TTBK2: variants seen among roughly 807,000 people sequenced by gnomAD.
TTBK2 encodes the protein tau-tubulin kinase 2.
TTBK2 carries 28 observed loss-of-function variants against 110.8 expected under a neutral mutation model. That is an observed-to-expected ratio of 0.25 (90% confidence interval 0.19 to 0.35). TTBK2 has a LOEUF of 0.35. TTBK2 is among the 10% of genes least tolerant of loss of function. The pLI is 1.00. For synonymous variants in TTBK2, 532 were observed against 527.3 expected, an observed-to-expected ratio of 1.01 and a Z score of -0.12; for missense variants, 1,369 against 1,500.3, an observed-to-expected ratio of 0.91 and a Z score of 1.45.
Position 42,842,057 on chromosome 15 carries a change from A to C in TTBK2, c.218-1624T>G, listed in dbSNP as rs193198033. ...TTAAGCACATAATTTGGAAAATGAA[A>C]CATTAATTATTATTATTATTTTAAA... On this transcript the variant is annotated intron_variant, in intron 3 of 14. Coordinates refer to ENST00000267890, the MANE Select transcript of TTBK2 (RefSeq NM_173500.4). Among the ~76,000 whole-genome samples, 205 of 152,252 alleles carry C rather than the reference A, an allele frequency of 1.3e-3. 1 individual carries two copies. Among genetic ancestry groups the C allele is most frequent in the Middle Eastern group, 6.8e-3 (2 of 294 alleles).
intron 1 of TTBK2, among the ~76,000 whole-genome samples, chr15:42,919,085 T>C (rs2031236653): frequency 6.6e-6 from 1 of 152,190 alleles, no homozygotes; most frequent in African/African-American, 2.4e-5. Context: ...ATGCTTCATA[T>C]GTCCCCTTCG....
In TTBK2 at chr15:42,742,726, C is replaced by G. The variant is rs1484477602; in HGVS notation, c.*3069G>C. On this transcript the variant is annotated 3_prime_UTR_variant, in exon 15 of 15. Transcript: ENST00000267890. Reference sequence around the variant, plus strand: ...CTTGATTTTCAAAAGATAATTTTAACTGCTGCCCTATACTACTTTTAGTAT... The same window carrying G: ...CTTGATTTTCAAAAGATAATTTTAAGTGCTGCCCTATACTACTTTTAGTAT... The G allele has an allele frequency of 6.6e-6, 1 of 152,188 alleles. No individual in the cohort carries two copies. Among genetic ancestry groups the G allele is most frequent in the African/African-American group, 2.4e-5 (1 of 41,450 alleles). The allele number at this position is 152,188 out of a possible 1,614,324, so 9.4% of individuals were successfully genotyped here. A position where few individuals can be genotyped will look rare whatever the true frequency, so the allele number is the denominator to read the frequency against.
chr15:42,761,494 A>G (rs1026751667), intron 13 of TTBK2, among the ~76,000 whole-genome samples: 14 of 152,062 alleles, frequency 9.2e-5, no homozygotes, highest in African/African-American at 3.4e-4. Context: ...TGAAAAGATA[A>G]CCTACAAAAT....
intron 9 of TTBK2, chr15:42,802,004 C>A (rs1262566120): frequency 1.3e-6 from 2 of 1,497,230 alleles, no homozygotes; most frequent in Admixed American, 3.3e-5. Context: ...AACATGTTGT[C>A]CATGTTGCTC....
At chr15:42,797,605 T>C (rs1169433262) in intron 9 of TTBK2, among the ~76,000 whole-genome samples, 1 of 152,166 alleles carries the variant, frequency 6.6e-6, no homozygotes, top group Non-Finnish European at 1.5e-5. Context: ...ATCCTAACCT[T>C]CCTCAGATTG....
chr15:42,757,090 A>G (rs2061957202), intron 13 of TTBK2, among the ~76,000 whole-genome samples: 1 of 151,922 alleles, frequency 6.6e-6, no homozygotes, highest in Non-Finnish European at 1.5e-5. Flanking sequence ...TTAATCAGGT[A>G]CTATTATCAT....
rs1421099006 is a variant in TTBK2 at position 42,743,978 on chromosome 15, C to G, written c.*1817G>C. 6.7e-6 allele frequency: 1 copy of G among 148,334 alleles called. No individual in the cohort carries two copies. The highest frequency in any genetic ancestry group is 2.4e-5 in the African/African-American group (1 of 41,172). 9.2% of individuals were successfully genotyped at this position (148,334 alleles called of 1,614,324 possible). The stretch of plus-strand genomic sequence containing the variant: ...TGACTCTATATAAGGATATGTCTCT[C>G]TATATATTTATAAATATTTATATAA... On this transcript the variant is annotated 3_prime_UTR_variant, in exon 15 of 15. Transcript: ENST00000267890.
chr15:42,908,989 C>T (rs1212757525), intron 1 of TTBK2, among the ~76,000 whole-genome samples: 2 of 152,192 alleles, frequency 1.3e-5, no homozygotes, highest in African/African-American at 2.4e-5. Context: ...AAAAACAACA[C>T]AAATTTATAA....
chr15:42,920,393 A>C (rs1211856191), intron 1 of TTBK2, 45 bp downstream of exon 1: 1 of 152,286 alleles, frequency 6.6e-6, no homozygotes, highest in African/African-American at 2.4e-5. Flanking sequence ...GGGGGTCGAG[A>C]CTGGGGGAGG....
chr15:42,810,743 G>A lies in TTBK2; in HGVS notation c.697-4C>T. On this transcript the variant is annotated splice_polypyrimidine_tract_variant and splice_region_variant and intron_variant, in intron 8 of 14. Transcript: ENST00000267890. ...CCTTAATAGAGCCTACTTGCTCCTG[G>A]GAAGTAAAGAGAAAAAGAGCTACAG... 6.2e-7 allele frequency: 1 copy of A among 1,613,348 alleles called. No homozygotes were observed.
At chr15:42,873,048 C>T (rs1486273339) in intron 2 of TTBK2, among the ~76,000 whole-genome samples, 4 of 152,166 alleles carry the variant, frequency 2.6e-5, no homozygotes, top group African/African-American at 4.8e-5. Context: ...ACCAACAATA[C>T]AGTATTTGAA....
intron 3 of TTBK2, among the ~76,000 whole-genome samples, chr15:42,849,206 A>G (rs1306400426): frequency 6.6e-6 from 1 of 150,868 alleles, no homozygotes; most frequent in Non-Finnish European, 1.5e-5. Context: ...ATTTCTACTG[A>G]TCTGTTTTCA....
chr15:42,760,032 C>T (rs940147923), intron 13 of TTBK2, among the ~76,000 whole-genome samples: 1 of 152,028 alleles, frequency 6.6e-6, no homozygotes, highest in African/African-American at 2.4e-5. Flanking sequence ...TTCATGATTT[C>T]AATGAGAAAT....
At chr15:42,811,423 G>A (rs939913566) in intron 8 of TTBK2, among the ~76,000 whole-genome samples, 2 of 152,182 alleles carry the variant, frequency 1.3e-5, no homozygotes, top group South Asian at 2.1e-4. Context: ...ACAAAGGGGA[G>A]AACTAATAAA....
intron 9 of TTBK2, chr15:42,800,197 T>C: frequency 2.4e-6 from 1 of 408,370 alleles, no homozygotes; most frequent in East Asian, 7.6e-5. Flanking sequence ...CTAAAACTTT[T>C]ATAATGACCA....
chr15:42,754,792 T>C (rs2061922084), intron 13 of TTBK2, among the ~76,000 whole-genome samples: 1 of 146,288 alleles, frequency 6.8e-6, no homozygotes, highest in Non-Finnish European at 1.5e-5. Context: ...GCAGACCACC[T>C]GAGGTCGGGA....
intron 10 of TTBK2, among the ~76,000 whole-genome samples, chr15:42,793,329 T>C (rs1196837869): frequency 6.6e-6 from 1 of 152,190 alleles, no homozygotes; most frequent in Non-Finnish European, 1.5e-5. Context: ...ACTATCCAGT[T>C]ATGTGAGTCT....
At position 42,824,133 on chromosome 15, in the gene TTBK2, A is replaced by T. The variant is rs111547295; in HGVS notation, c.537+3795T>A. 4.6e-5 allele frequency among the ~76,000 whole-genome samples: 7 copies of T among 152,236 alleles called. 2 individuals are homozygous for T. Among genetic ancestry groups the T allele is most frequent in the African/African-American group, 1.7e-4 (7 of 41,536 alleles). ...CTCACGACCCCTCCGCTCCCAAGGG[A>T]GGGGAGTGATCTATTCATGCGTGAT... On this transcript the variant is annotated intron_variant, in intron 6 of 14. Transcript: ENST00000267890.
intron 2 of TTBK2, among the ~76,000 whole-genome samples, chr15:42,873,227 T>A (rs976502014): frequency 3.3e-5 from 5 of 151,950 alleles, no homozygotes; most frequent in Admixed American, 6.6e-5. Flanking sequence ...AAGTCAGGAG[T>A]TCGAGACCAG....
Sources: allele counts gnomAD v4.1 joint callset (sites outside exome capture counted in the v4.1 genomes callset), GRCh38; gene constraint gnomAD v4.1.1; transcripts MANE v1.5; gene names NCBI Gene and HGNC (gene_info 2026-07-23, HGNC 2026-07-21).